SMIM13: variants seen among roughly 807,000 people sequenced by gnomAD.
SMIM13 encodes the protein UPF0766 protein C6orf228.
In SMIM13, 3 loss-of-function variants were observed where a neutral mutation model predicts 5.9. The ratio of observed to expected loss-of-function variants is 0.51; its 90% confidence interval spans 0.23 to 1.31. The LOEUF (loss-of-function observed/expected upper bound fraction) is 1.31. Among genes scored for constraint, SMIM13 ranks in the 40% most tolerant of loss-of-function variants. SMIM13 has a pLI of 0.18. For missense variants in SMIM13, 85 were observed against 109.9 expected (o/e 0.77, Z 1.01); for synonymous variants, 55 against 46.0 (o/e 1.19, Z -0.79).
chr6:11,104,075 T>G, intron 1 of SMIM13: 2 of 1,551,760 alleles, frequency 1.3e-6, no homozygotes, highest in Non-Finnish European at 1.7e-6. Flanking sequence ...TTTGAAGGAC[T>G]ACGGCTGCTA....
In SMIM13 at chr6:11,094,196, GCCGCCCCGGCGCCCAGCCGCGCCTGGCGC is replaced by G. The variant is rs1264114612; in HGVS notation, c.-112_-84del. The G allele has an allele frequency of 1.0e-5, 3 of 297,128 alleles. No homozygotes were observed. Among genetic ancestry groups the G allele is most frequent in the Non-Finnish European group, 1.5e-5 (3 of 200,688 alleles). The allele number at this position is 297,128 out of a possible 1,614,324, so 18.4% of individuals were successfully genotyped here. A position where few individuals can be genotyped will look rare whatever the true frequency, so the allele number is the denominator to read the frequency against. ...TGCCGAGGGGGCGCCAGCCGCCCATGCCGCCCCGGCGCCCAGCCGCGCCTGGCGCCCGCCGCTGAAGCGCAGGACGCGCC... is the reference window on the plus strand; with the variant it reads ...TGCCGAGGGGGCGCCAGCCGCCCATGCCGCCGCTGAAGCGCAGGACGCGCC... On this transcript the variant is annotated 5_prime_UTR_variant, in exon 1 of 2. It removes the in-frame stop codon of an upstream open reading frame in the 5' UTR. Coordinates refer to ENST00000416247, the MANE Select transcript of SMIM13 (RefSeq NM_001135575.2).
At chr6:11,115,786 G>A (rs1334332701) in intron 1 of SMIM13, among the ~76,000 whole-genome samples, 1 of 150,688 alleles carries the variant, frequency 6.6e-6, no homozygotes, top group Non-Finnish European at 1.5e-5. Context: ...CTGGGTTCAA[G>A]CAATTCTCCT....
chr6:11,121,159 C>A (rs1380886345), intron 1 of SMIM13, among the ~76,000 whole-genome samples: 2 of 152,182 alleles, frequency 1.3e-5, no homozygotes, highest in Admixed American at 1.3e-4. Flanking sequence ...ACATAAACTT[C>A]CTTTTAAGCT....
intron 1 of SMIM13, among the ~76,000 whole-genome samples, chr6:11,100,778 C>T (rs1757980442): frequency 1.3e-5 from 2 of 152,122 alleles, no homozygotes; most frequent in South Asian, 4.1e-4. Context: ...AATGGTTACC[C>T]CATTGATTTC....
rs1458951009 is a variant in SMIM13, at chr6:11,134,266, T to G, written c.77-137T>G. ...CCTCATTCCTTGTACAAAAAATGTT[T>G]GTTATATCATTATATATTTGTAATT... is the stretch of plus-strand genomic sequence containing the variant. On this transcript the variant is annotated intron_variant, in intron 1 of 1. Transcript: ENST00000416247. 3 of 555,090 alleles carry G rather than the reference T, an allele frequency of 5.4e-6. No individual in the cohort carries two copies. In the African/African-American group the frequency reaches 5.8e-5, roughly 11 times the overall value. 34.4% of individuals were successfully genotyped at this position (555,090 alleles called of 1,614,324 possible). A position where few individuals can be genotyped will look rare whatever the true frequency, so the allele number is the denominator to read the frequency against.
chr6:11,126,761 CCTT>C (rs1382468675), intron 1 of SMIM13, among the ~76,000 whole-genome samples: 2 of 152,102 alleles, frequency 1.3e-5, no homozygotes, highest in East Asian at 3.9e-4. Flanking sequence ...TTGTACCTAT[CCTT>C]CTTGGGAATG....
chr6:11,109,724 T>C (rs543684924), intron 1 of SMIM13, among the ~76,000 whole-genome samples: 4 of 152,142 alleles, frequency 2.6e-5, no homozygotes, highest in Non-Finnish European at 4.4e-5. Context: ...CAACCCAGGC[T>C]GTATTACAGA....
intron 1 of SMIM13, among the ~76,000 whole-genome samples, chr6:11,128,994 C>T (rs1284812095): frequency 6.6e-6 from 1 of 151,616 alleles, no homozygotes; most frequent in Non-Finnish European, 1.5e-5. Context: ...AAACCAGGTA[C>T]TGTGATCGTT....
chr6:11,118,763 A>G (rs1400596666), intron 1 of SMIM13, among the ~76,000 whole-genome samples: 7 of 152,248 alleles, frequency 4.6e-5, no homozygotes, highest in African/African-American at 1.7e-4. Flanking sequence ...AGCCTATGAG[A>G]TGGTAACAGA....
rs1758532429 is a variant in SMIM13, at chr6:11,137,634, A to T, written c.*3032A>T. 6.6e-6 allele frequency: 1 copy of T among 152,088 alleles called. No homozygotes were observed. The highest frequency in any genetic ancestry group is 2.4e-5 in the African/African-American group (1 of 41,426). 9.4% of individuals were successfully genotyped at this position (152,088 alleles called of 1,614,324 possible). A position where few individuals can be genotyped will look rare whatever the true frequency, so the allele number is the denominator to read the frequency against. ...ATTGAGGACTCTGGTAGGTTGTTTTATTTCCTTCCCAACCAGCCATTCATT... is the reference window on the plus strand; with the variant it reads ...ATTGAGGACTCTGGTAGGTTGTTTTTTTTCCTTCCCAACCAGCCATTCATT... On this transcript the variant is annotated 3_prime_UTR_variant, in exon 2 of 2. Coordinates refer to ENST00000416247, the MANE Select transcript of SMIM13 (RefSeq NM_001135575.2).
chr6:11,128,437 A>G (rs1381838414), intron 1 of SMIM13, among the ~76,000 whole-genome samples: 1 of 152,024 alleles, frequency 6.6e-6, no homozygotes, highest in Admixed American at 6.6e-5. Context: ...CCTCTCCTCA[A>G]ACAGAGGGAA....
chr6:11,095,110 G>T (rs547085334), intron 1 of SMIM13, among the ~76,000 whole-genome samples: 1 of 152,160 alleles, frequency 6.6e-6, no homozygotes, highest in Non-Finnish European at 1.5e-5. Flanking sequence ...TAGCAAAGTG[G>T]CTAAGCAATT....
intron 1 of SMIM13, among the ~76,000 whole-genome samples, chr6:11,125,013 C>G (rs1222738287): frequency 6.6e-6 from 1 of 152,218 alleles, no homozygotes; most frequent in Non-Finnish European, 1.5e-5. Context: ...CGTGGTGGCT[C>G]ACGCCTGTAA....
rs1344567523 is a variant in SMIM13, at chr6:11,136,763, T to G, written c.*2161T>G. The G allele has an allele frequency of 1.3e-5, 2 of 152,080 alleles. No individual in the cohort carries two copies. The highest frequency in any genetic ancestry group is 4.8e-5 in the African/African-American group (2 of 41,426). The allele number at this position is 152,080 out of a possible 1,614,324, so 9.4% of individuals were successfully genotyped here. A position where few individuals can be genotyped will look rare whatever the true frequency, so the allele number is the denominator to read the frequency against. On this transcript the variant is annotated 3_prime_UTR_variant, in exon 2 of 2. Coordinates refer to ENST00000416247, the MANE Select transcript of SMIM13 (RefSeq NM_001135575.2). Reference sequence around the variant, plus strand: ...AGGGCATAACAAAACAGTGACAGTTTCAAGCGTTAATTTTAATGCTTCCTA... The same window carrying G: ...AGGGCATAACAAAACAGTGACAGTTGCAAGCGTTAATTTTAATGCTTCCTA...
At chr6:11,127,862 C>G (rs567392701) in intron 1 of SMIM13, among the ~76,000 whole-genome samples, 2 of 152,290 alleles carry the variant, frequency 1.3e-5, no homozygotes, top group South Asian at 4.1e-4. Context: ...CAAGCCATAT[C>G]ACTCAGTTAG....
chr6:11,105,531 G>A (rs1357432284), intron 1 of SMIM13: 6 of 497,392 alleles, frequency 1.2e-5, no homozygotes, highest in South Asian at 5.7e-5. Flanking sequence ...AGTGTATTCC[G>A]GAGCTGAGGT....
At chr6:11,120,047 A>G (rs868229090) in intron 1 of SMIM13, among the ~76,000 whole-genome samples, 1 of 152,224 alleles carries the variant, frequency 6.6e-6, no homozygotes, top group Non-Finnish European at 1.5e-5. Context: ...AATGGAAATA[A>G]GGTAATAAGA....
intron 1 of SMIM13, among the ~76,000 whole-genome samples, chr6:11,098,279 C>T (rs1230254860): frequency 6.6e-6 from 1 of 152,204 alleles, no homozygotes; most frequent in Admixed American, 6.5e-5. Context: ...TTTCTACCCC[C>T]ACTATTCAGT....
intron 1 of SMIM13, among the ~76,000 whole-genome samples, chr6:11,117,340 T>G (rs1481690221): frequency 1.1e-4 from 1 of 8,832 alleles, no homozygotes; most frequent in Non-Finnish European, 1.7e-4. Context: ...ATTTTTTGTA[T>G]TTTTTTTTTT....
Sources: allele counts gnomAD v4.1 joint callset (sites outside exome capture counted in the v4.1 genomes callset), GRCh38; gene constraint gnomAD v4.1.1; transcripts MANE v1.5; gene names NCBI Gene and HGNC (gene_info 2026-07-23, HGNC 2026-07-21).